The following TBX22 variants were observed in gnomAD, a reference collection of about 807,000 sequenced individuals.
The protein encoded by TBX22 is T-box transcription factor TBX22.
Under a neutral mutation model 30.1 loss-of-function variants are expected in TBX22, and 8 were observed. The observed-to-expected ratio is 0.27, with a 90% CI of 0.16 to 0.48. The LOEUF (loss-of-function observed/expected upper bound fraction) is 0.48, where lower values mean the gene tolerates loss of function less well. Ranked by LOEUF, TBX22 falls within the 20% of genes least tolerant of loss-of-function variation. TBX22 has a pLI of 0.99. For missense variants in TBX22, 463 were observed against 400.5 expected (o/e 1.16, Z -1.33); for synonymous variants, 173 against 149.1 (o/e 1.16, Z -1.17).
At chrX:80,019,590 A>G (rs1923592184) in intron 1 of TBX22, among the ~76,000 whole-genome samples, 1 of 111,684 alleles carries the variant, frequency 9.0e-6, no homozygotes, top group African/African-American at 3.3e-5. Flanking sequence ...CCCCAAAGAG[A>G]CTTCCAGGTG....
At chrX:80,022,512 G>T (rs771465183) in intron 2 of TBX22, 68 bp downstream of exon 2, 1 of 1,071,113 alleles carries the variant, frequency 9.3e-7, no homozygotes, top group East Asian at 3.3e-5. Context: ...CGCCTGGCTC[G>T]CGTCCCGACG....
chrX:80,028,007 C>T lies in TBX22; in HGVS notation c.880C>T (p.Leu294Phe). The T allele has an allele frequency of 8.3e-7, 1 of 1,209,677 alleles. No individual in the cohort carries two copies. The highest frequency in any genetic ancestry group is 1.1e-6 in the Non-Finnish European group (1 of 893,634). ...CTTTTTTAGGGGTGTATTGGATGGG[C>T]TTTTAGAGACCTACCCATGGAGGCC... The part of the protein sequence containing the change: ...TGRNRGVLDG[L>F]LETYPWRPSF... Residue 294 changes from leucine (L) to phenylalanine (F), a missense_variant, in exon 8 of 9, where the codon CTT (leucine) becomes TTT (phenylalanine). Physicochemically the swap from Leu to Phe is conservative, Grantham distance 22. Transcript: ENST00000373296.
intron 1 of TBX22, among the ~76,000 whole-genome samples, chrX:80,018,447 A>T (rs749154093): frequency 1.5e-4 from 16 of 109,446 alleles, no homozygotes; most frequent in East Asian, 1.1e-3. Flanking sequence ...TGAATTTCTT[A>T]AAAAAAAAGG....
rs748304646 is a variant in TBX22 at position 80,022,319 on chromosome X, G to A, written c.50G>A (p.Gly17Glu). 8.3e-7 allele frequency: 1 copy of A among 1,211,473 alleles called. No individual in the cohort carries two copies. The highest frequency in any genetic ancestry group is 1.7e-5 in the African/African-American group (1 of 57,703). The change falls in exon 2 of 9, where the codon GGG becomes GAG. Residue 17 changes from glycine to glutamate, a missense_variant. By Grantham distance (98) the Gly-to-Glu change is moderately conservative. Coordinates refer to ENST00000373296, the MANE Select transcript of TBX22 (RefSeq NM_001109878.2). ...ARAFSVEALV[G>E]RPSKRKLQDP... ...GCCTTCTCCGTGGAAGCCTTGGTGGGGAGACCCAGCAAAAGAAAACTCCAA... is the reference window on the plus strand; with the variant it reads ...GCCTTCTCCGTGGAAGCCTTGGTGGAGAGACCCAGCAAAAGAAAACTCCAA...
At chrX:80,020,289 T>TTAGATAGA (rs3048745) in intron 1 of TBX22, among the ~76,000 whole-genome samples, 19,581 of 104,437 alleles carry the variant, frequency 0.19, 1,425 homozygotes, top group South Asian at 0.3. Context: ...TAGAGATAGA[T>TTAGATAGA]TAGATAGATA....
In TBX22 at chrX:80,015,290, G is replaced by A. The variant is rs377052135; in HGVS notation, c.-3+403G>A. Among the ~76,000 whole-genome samples the A allele has an allele frequency of 6.3e-5, 7 of 111,971 alleles. No individual in the cohort carries two copies. The East Asian group carries it at 1.7e-3, about 27-fold the overall frequency. ...TAGGGAGCTAGGGAGCAAGGGGAAG[G>A]GACGGGAGTGCCTCCTGGAAGGTGA... On this transcript the variant is annotated intron_variant, in intron 1 of 8. Coordinates refer to ENST00000373296, the MANE Select transcript of TBX22 (RefSeq NM_001109878.2).
Position 80,028,094 on chromosome X carries a change from G to A in TBX22, c.949+18G>A, listed in dbSNP as rs758957084. The A allele has an allele frequency of 2.1e-5, 25 of 1,180,114 alleles. No individual in the cohort carries two copies. Among genetic ancestry groups the A allele is most frequent in the South Asian group, 1.8e-4 (10 of 55,844 alleles). ...CACACAAAGTAAGAAAACTTGGAAC[G>A]TTTGTTTTATTTTTACATATCAATT... is the stretch of plus-strand genomic sequence containing the variant. On this transcript the variant is annotated intron_variant, in intron 8 of 8. Transcript: ENST00000373296.
At chrX:80,026,375 C>A (rs1486282973) in intron 5 of TBX22, among the ~76,000 whole-genome samples, 2 of 111,654 alleles carry the variant, frequency 1.8e-5, no homozygotes, top group African/African-American at 6.5e-5. Context: ...CCCACCATAT[C>A]CAAGCCTATC....
intron 1 of TBX22, among the ~76,000 whole-genome samples, chrX:80,019,863 C>A (rs992089124): frequency 9.0e-6 from 1 of 111,225 alleles, no homozygotes; most frequent in Non-Finnish European, 1.9e-5. Flanking sequence ...TAAAAAAATT[C>A]TGGATGACTA....
intron 1 of TBX22, among the ~76,000 whole-genome samples, chrX:80,019,226 G>A (rs1230242945): frequency 9.0e-6 from 1 of 110,510 alleles, no homozygotes; most frequent in East Asian, 2.9e-4. Context: ...GATGTTGTGG[G>A]GAAGCTGATT....
chrX:80,022,638 G>T (rs1221934612), intron 2 of TBX22, 194 bp downstream of exon 2: 1 of 474,001 alleles, frequency 2.1e-6, no homozygotes, highest in African/African-American at 2.4e-5. Context: ...TAAAGGGGAG[G>T]GTCCCTACAT....
At chrX:80,020,137 AGACAACACCT>A (rs1923613214) in intron 1 of TBX22, among the ~76,000 whole-genome samples, 1 of 112,096 alleles carries the variant, frequency 8.9e-6, no homozygotes, top group African/African-American at 3.2e-5. Context: ...GTTAAAGGCA[AGACAACACCT>A]GTATTAGGAG....
At chrX:80,022,870 G>C (rs1445505603) in intron 2 of TBX22, among the ~76,000 whole-genome samples, 190 bp from the exon 3 acceptor site, 1 of 106,855 alleles carries the variant, frequency 9.4e-6, no homozygotes, top group Non-Finnish European at 1.9e-5. Context: ...GTCGGGTGTC[G>C]CACCTTTCAC....
Position 80,027,991 on chromosome X carries a change from G to T in TBX22, c.864G>T (p.Arg288Ser). The T allele has an allele frequency of 8.3e-7, 1 of 1,199,884 alleles. No individual in the cohort carries two copies. Among genetic ancestry groups the T allele is most frequent in the Non-Finnish European group, 1.1e-6 (1 of 885,102 alleles). The part of the protein sequence containing the change: ...AKGFRDTGRN[R>S]GVLDGLLETY... ...GCTGAAAGTTGACTCTCTTTTTTAG[G>T]GGTGTATTGGATGGGCTTTTAGAGA... The change falls in exon 8 of 9, where the codon AGG becomes AGT. Residue 288 changes from arginine to serine, a missense_variant and splice_region_variant. By Grantham distance (110) the Arg-to-Ser change is moderately radical. Transcript: ENST00000373296.
At chrX:80,022,201 T>TC in intron 1 of TBX22, 67 bp from the exon 2 acceptor site, 2 of 1,080,426 alleles carry the variant, frequency 1.9e-6, no homozygotes, top group Non-Finnish European at 2.6e-6. Context: ...CGCCTGTGTC[T>TC]CCCCCTCCCT....
At chrX:80,015,872 C>T (rs1047373536) in intron 1 of TBX22, among the ~76,000 whole-genome samples, 31 of 111,863 alleles carry the variant, frequency 2.8e-4, no homozygotes, top group African/African-American at 9.4e-4. Context: ...TTTTGCCCCT[C>T]GGAGCATTGA....
chrX:80,025,923 T>C, intron 5 of TBX22, 146 bp downstream of exon 5: 1 of 500,711 alleles, frequency 2.0e-6, no homozygotes, highest in Non-Finnish European at 3.4e-6. Flanking sequence ...GTAAGTAAAG[T>C]AGCTAACCTA....
At chrX:80,026,451 G>A (rs773954019) in intron 5 of TBX22, among the ~76,000 whole-genome samples, 6 of 111,927 alleles carry the variant, frequency 5.4e-5, no homozygotes, top group Non-Finnish European at 9.4e-5. Flanking sequence ...CCAGATGGTC[G>A]CCAGTGTTTG....
intron 1 of TBX22, among the ~76,000 whole-genome samples, chrX:80,019,659 C>G (rs957120134): frequency 1.8e-5 from 2 of 111,104 alleles, no homozygotes; most frequent in Admixed American, 9.7e-5. Flanking sequence ...CCTGACAGCC[C>G]AGTGCTTCAG....
Sources: gnomAD v4.1 joint callset for allele counts (sites outside exome capture counted in the v4.1 genomes callset) on GRCh38, gnomAD v4.1.1 for gene constraint, MANE v1.5 for transcripts, NCBI Gene and HGNC (gene_info 2026-07-23, HGNC 2026-07-21) for gene names.